The following CPED1 variants were observed in gnomAD, a reference collection of about 807,000 sequenced individuals.
CPED1 encodes cadherin like and PC-esterase domain containing 1.
In CPED1, 114 loss-of-function variants were observed where a neutral mutation model predicts 128.2. That is an observed-to-expected ratio of 0.89 (90% confidence interval 0.76 to 1.04). The LOEUF is 1.04. CPED1 is among the 50% of genes least tolerant of loss of function. The pLI, the probability that CPED1 is intolerant of heterozygous loss-of-function variation, is 0.00. For synonymous variants in CPED1, 462 were observed against 426.7 expected (o/e 1.08, Z -1.02); for missense variants, 1,211 against 1,207.1 (o/e 1.00, Z -0.05).
At chr7:121,145,623 G>A (rs1243006625) in intron 16 of CPED1, among the ~76,000 whole-genome samples, 1 of 152,000 alleles carries the variant, frequency 6.6e-6, no homozygotes, top group African/African-American at 2.4e-5. Context: ...AACAGCAGGG[G>A]TAAAATTTTC....
chr7:121,194,048 ATT>A (rs68159246), intron 16 of CPED1, among the ~76,000 whole-genome samples: 552 of 47,354 alleles, frequency 0.012, 4 homozygotes, highest in Admixed American at 0.042. Context: ...ATATATATAT[ATT>A]TTTTTTTTTT....
intron 16 of CPED1, among the ~76,000 whole-genome samples, chr7:121,228,110 G>A (rs950974033): frequency 6.6e-6 from 1 of 151,984 alleles, no homozygotes; most frequent in African/African-American, 2.4e-5. Context: ...TTATGATTAA[G>A]ACTTCAAAAT....
At chr7:121,050,789 G>C in intron 4 of CPED1, 1 of 457,298 alleles carries the variant, frequency 2.2e-6, no homozygotes, top group South Asian at 1.6e-5. Flanking sequence ...TAGCTTTCTG[G>C]TGGGTCTCAG....
At chr7:121,113,641 A>C (rs1795165846) in intron 7 of CPED1, among the ~76,000 whole-genome samples, 1 of 152,040 alleles carries the variant, frequency 6.6e-6, no homozygotes, top group African/African-American at 2.4e-5. Context: ...GGGTGGACTG[A>C]GGTGAGAGGG....
chr7:121,138,906 A>G (rs1436646691), intron 14 of CPED1, among the ~76,000 whole-genome samples: 1 of 151,958 alleles, frequency 6.6e-6, no homozygotes, highest in Non-Finnish European at 1.5e-5. Flanking sequence ...GATTAATAAT[A>G]TCCTGTTTTT....
chr7:121,043,782 T>C (rs532759510), intron 3 of CPED1, among the ~76,000 whole-genome samples: 13 of 152,196 alleles, frequency 8.5e-5, no homozygotes, highest in African/African-American at 2.9e-4. Context: ...AAGGCTGAAA[T>C]TGGAATTTTC....
At chr7:121,073,232 C>T (rs1314063407) in intron 5 of CPED1, among the ~76,000 whole-genome samples, 1 of 151,876 alleles carries the variant, frequency 6.6e-6, no homozygotes, top group African/African-American at 2.4e-5. Flanking sequence ...TTAAGAAAAC[C>T]ATAAGGAAGA....
chr7:121,133,844 G>T lies in CPED1; in HGVS notation c.1599G>T (p.Lys533Asn). The T allele has an allele frequency of 1.2e-6, 2 of 1,600,916 alleles. No homozygotes were observed. The highest frequency in any genetic ancestry group is 1.7e-6 in the Non-Finnish European group (2 of 1,172,592). Reference sequence around the variant, plus strand: ...GCAGGAATTCTTTCACAGAAGATAAGAACATTGAAAAACCACAAGTGCCAT... The same window carrying T: ...GCAGGAATTCTTTCACAGAAGATAATAACATTGAAAAACCACAAGTGCCAT... ...PLEWNSFTED[K>N]NIEKPQVPFD... Residue 533 changes from lysine (K) to asparagine (N), a missense_variant, in exon 13 of 23, where the codon AAG (lysine) becomes AAT (asparagine). Physicochemically the swap from Lys to Asn is moderately conservative, Grantham distance 94. Transcript: ENST00000310396.
intron 16 of CPED1, among the ~76,000 whole-genome samples, chr7:121,225,563 T>C (rs1433212453): frequency 7.2e-5 from 11 of 152,202 alleles, no homozygotes; most frequent in Non-Finnish European, 1.6e-4. Context: ...GATAATATCC[T>C]GAAGAGTGTT....
Position 121,130,219 on chromosome 7 carries a change from A to G in CPED1, c.1502A>G (p.Gln501Arg), listed in dbSNP as rs367691016. Residue 501 changes from glutamine to arginine, a missense_variant, in exon 12 of 23, where the codon CAA becomes CGA. Transcript: ENST00000310396. ...PVGNPGSVLTQYWSLLNVFEQ... is the reference protein window; with the variant it reads ...PVGNPGSVLTRYWSLLNVFEQ... ...GGAAATCCTGGCTCAGTCCTGACCC[A>G]ATACTGGTCTCTTTTAAATGTATTT... is the stretch of plus-strand genomic sequence containing the variant. 3.1e-6 allele frequency: 5 copies of G among 1,612,382 alleles called. No individual in the cohort carries two copies. In the Admixed American group the frequency reaches 6.7e-5, roughly 22 times the overall value.
chr7:121,280,338 A>C (rs1478461806), intron 22 of CPED1, among the ~76,000 whole-genome samples: 2 of 152,196 alleles, frequency 1.3e-5, no homozygotes, highest in Non-Finnish European at 2.9e-5. Context: ...TAGAACCAAC[A>C]GTTTAATATT....
chr7:121,025,101 C>T (rs569642783), intron 3 of CPED1, among the ~76,000 whole-genome samples: 72 of 152,066 alleles, frequency 4.7e-4, no homozygotes, highest in Admixed American at 6.6e-4. Context: ...AACTCACTTC[C>T]TTTTTAGACT....
chr7:121,128,004 C>G (rs1054200237), intron 10 of CPED1, among the ~76,000 whole-genome samples: 9 of 152,082 alleles, frequency 5.9e-5, no homozygotes, highest in African/African-American at 2.2e-4. Context: ...TCCAGATTGA[C>G]GTCAGAGGAC....
chr7:121,219,783 G>T (rs1181192150), intron 16 of CPED1, among the ~76,000 whole-genome samples: 1 of 151,958 alleles, frequency 6.6e-6, no homozygotes, highest in Non-Finnish European at 1.5e-5. Flanking sequence ...CCAACCTCAA[G>T]TTCCATTATT....
Position 121,120,897 on chromosome 7 carries a change from G to A in CPED1, c.919-3434G>A, listed in dbSNP as rs555169925. ...ATGTCATAGGTTTGTTTATTCAACA[G>A]TATTTACTGAATACCTACTTAGCAT... On this transcript the variant is annotated intron_variant, in intron 7 of 22. Transcript: ENST00000310396. Among the ~76,000 whole-genome samples the A allele has an allele frequency of 1.4e-4, 19 of 139,120 alleles. No homozygotes were observed. In the South Asian group the frequency reaches 4.6e-3, roughly 34 times the overall value. The allele number at this position is 139,120 out of a possible 152,430, so 91.3% of individuals were successfully genotyped here.
At chr7:121,176,193 G>GAA (rs34712656) in intron 16 of CPED1, among the ~76,000 whole-genome samples, 13 of 62,024 alleles carry the variant, frequency 2.1e-4, no homozygotes, top group African/African-American at 8.2e-4. Context: ...CTCCCCGCTG[G>GAA]AAAAAAAAAA....
chr7:121,115,525 G>A (rs558620489), intron 7 of CPED1, among the ~76,000 whole-genome samples: 61 of 152,142 alleles, frequency 4.0e-4, no homozygotes, highest in African/African-American at 1.1e-3. Flanking sequence ...TAGATACCCT[G>A]CATAAAATAT....
At chr7:121,223,320 A>T (rs1342083194) in intron 16 of CPED1, among the ~76,000 whole-genome samples, 1 of 152,032 alleles carries the variant, frequency 6.6e-6, no homozygotes, top group East Asian at 1.9e-4. Flanking sequence ...CTTGATCGTG[A>T]TGGATAAACT....
At chr7:121,132,004 ATTTAAG>A (rs1473821258) in intron 12 of CPED1, among the ~76,000 whole-genome samples, 1 of 150,742 alleles carries the variant, frequency 6.6e-6, no homozygotes, top group Admixed American at 6.6e-5. Context: ...AGTTTGAAAT[ATTTAAG>A]TTAATAGTGA....
Sources: gnomAD v4.1 joint callset for allele counts (sites outside exome capture counted in the v4.1 genomes callset) on GRCh38, gnomAD v4.1.1 for gene constraint, MANE v1.5 for transcripts, NCBI Gene and HGNC (gene_info 2026-07-23, HGNC 2026-07-21) for gene names.